Variants in CNTNAP2 observed in about 807,000 individuals in gnomAD.
The protein encoded by CNTNAP2 is contactin-associated protein-like 2.
A neutral mutation model predicts 155.2 loss-of-function variants in CNTNAP2; 98 were observed. The observed-to-expected ratio is 0.63, with a 90% CI of 0.54 to 0.75. The LOEUF (loss-of-function observed/expected upper bound fraction) is 0.75, where lower values mean the gene tolerates loss of function less well. CNTNAP2 is among the 30% of genes least tolerant of loss of function. The probability of loss-of-function intolerance (pLI) is 0.00; values close to 1 mark genes in which losing one functional copy is unlikely to be tolerated. For missense variants in CNTNAP2, 1,727 were observed against 1,688.1 expected, an observed-to-expected ratio of 1.02 and a Z score of -0.40; for synonymous variants, 651 against 631.2, an observed-to-expected ratio of 1.03 and a Z score of -0.47.
intron 3 of CNTNAP2, among the ~76,000 whole-genome samples, chr7:146,877,191 T>C (rs953218163): frequency 1.3e-5 from 2 of 152,024 alleles, no homozygotes; most frequent in African/African-American, 4.8e-5. Flanking sequence ...AAAACATAAT[T>C]TTTTCGACCA....
intron 1 of CNTNAP2, among the ~76,000 whole-genome samples, chr7:146,231,331 G>A (rs952078196): frequency 6.6e-6 from 1 of 152,150 alleles, no homozygotes; most frequent in African/African-American, 2.4e-5. Context: ...GTAAGACGCA[G>A]GAGTGAACCT....
chr7:146,636,979 G>A (rs59810108), intron 1 of CNTNAP2, among the ~76,000 whole-genome samples: 29,911 of 152,090 alleles, frequency 0.2, 3,289 homozygotes, highest in East Asian at 0.49. Flanking sequence ...TTGGACACAC[G>A]CATATAAATT....
chr7:146,802,238 C>T (rs187443035), intron 2 of CNTNAP2, among the ~76,000 whole-genome samples: 69 of 152,240 alleles, frequency 4.5e-4, no homozygotes, highest in Non-Finnish European at 8.5e-4. Flanking sequence ...TGGAAACAGT[C>T]TCCTTTTAGC....
intron 11 of CNTNAP2, among the ~76,000 whole-genome samples, chr7:147,558,529 T>C (rs1799993201): frequency 6.6e-6 from 1 of 152,154 alleles, no homozygotes; most frequent in Non-Finnish European, 1.5e-5. Flanking sequence ...GAATTTCTGT[T>C]TTAATAAGCT....
chr7:147,657,832 T>C (rs1795547858), intron 13 of CNTNAP2, among the ~76,000 whole-genome samples: 1 of 152,254 alleles, frequency 6.6e-6, no homozygotes, highest in Non-Finnish European at 1.5e-5. Context: ...CTTCTTAGCA[T>C]AGTGTAAATG....
At chr7:146,838,474 C>T (rs182729483) in intron 2 of CNTNAP2, among the ~76,000 whole-genome samples, 8 of 152,158 alleles carry the variant, frequency 5.3e-5, no homozygotes, top group Non-Finnish European at 1.0e-4. Flanking sequence ...CCTGCCACCA[C>T]GCCTGGCTAA....
Position 146,134,078 on chromosome 7 carries a change from C to T in CNTNAP2, c.97+17105C>T, listed in dbSNP as rs553936947. 2.9e-3 allele frequency among the ~76,000 whole-genome samples: 429 copies of T among 149,116 alleles called. 2 individuals carry two copies. The highest frequency in any genetic ancestry group is 9.8e-3 in the African/African-American group (402 of 40,866). On this transcript the variant is annotated intron_variant, in intron 1 of 23. Coordinates refer to ENST00000361727, the MANE Select transcript of CNTNAP2 (RefSeq NM_014141.6). ...ATGTTCTTCCATTTGTTTGTATCCT[C>T]TTTTATTTCCTTGAGCAGTGGTTTG... is the stretch of plus-strand genomic sequence containing the variant.
chr7:147,304,022 C>T lies in CNTNAP2; in HGVS notation c.1498+3732C>T, dbSNP rs185211361. Among the ~76,000 whole-genome samples, 107 of 152,272 alleles carry T rather than the reference C, an allele frequency of 7.0e-4. 2 individuals are homozygous for T. In the South Asian group the frequency reaches 0.02, roughly 28 times the overall value. ...TGTTTTGTTTCCAAACCCTTAAATACGTCCACATTTTGTTTCTTTTGAAGT... is the reference window on the plus strand; with the variant it reads ...TGTTTTGTTTCCAAACCCTTAAATATGTCCACATTTTGTTTCTTTTGAAGT... On this transcript the variant is annotated intron_variant, in intron 9 of 23. Coordinates refer to ENST00000361727, the MANE Select transcript of CNTNAP2 (RefSeq NM_014141.6).
intron 13 of CNTNAP2, among the ~76,000 whole-genome samples, chr7:147,763,437 A>G (rs1174726711): frequency 1.4e-5 from 2 of 145,198 alleles, no homozygotes; most frequent in Non-Finnish European, 3.0e-5. Flanking sequence ...TTTTTTGGAG[A>G]CGGAAGTGGC....
chr7:148,093,870 G>T (rs1220010043), intron 15 of CNTNAP2, among the ~76,000 whole-genome samples: 3 of 152,062 alleles, frequency 2.0e-5, no homozygotes, highest in East Asian at 3.9e-4. Context: ...AACCTCGCAG[G>T]CTCAACCTCC....
chr7:147,385,378 C>T (rs1020742644), intron 9 of CNTNAP2, among the ~76,000 whole-genome samples: 7 of 152,142 alleles, frequency 4.6e-5, no homozygotes, highest in East Asian at 1.9e-4. Context: ...CATAGTCCAA[C>T]GTCTCATCTG....
At chr7:147,077,896 C>T (rs1171718226) in intron 4 of CNTNAP2, among the ~76,000 whole-genome samples, 3 of 152,154 alleles carry the variant, frequency 2.0e-5, no homozygotes, top group Non-Finnish European at 4.4e-5. Context: ...ACACAGATTA[C>T]AGATAAAGAA....
chr7:146,353,632 T>C (rs1794954664), intron 1 of CNTNAP2, among the ~76,000 whole-genome samples: 1 of 152,172 alleles, frequency 6.6e-6, no homozygotes, highest in Non-Finnish European at 1.5e-5. Context: ...TCTACTAAGG[T>C]AGTTTGAAAT....
At chr7:147,493,043 A>G (rs1798637147) in intron 11 of CNTNAP2, among the ~76,000 whole-genome samples, 1 of 152,224 alleles carries the variant, frequency 6.6e-6, no homozygotes, top group African/African-American at 2.4e-5. Context: ...TCCTACTTTT[A>G]AAGAACTTAT....
At chr7:147,345,306 C>T (rs932794530) in intron 9 of CNTNAP2, among the ~76,000 whole-genome samples, 15 of 152,032 alleles carry the variant, frequency 9.9e-5, no homozygotes, top group Non-Finnish European at 1.3e-4. Flanking sequence ...AAATCTATTT[C>T]GATAAGATAG....
chr7:146,554,555 C>A (rs1178958928), intron 1 of CNTNAP2, among the ~76,000 whole-genome samples: 1 of 152,110 alleles, frequency 6.6e-6, no homozygotes, highest in African/African-American at 2.4e-5. Flanking sequence ...CTCCTCTATT[C>A]TCTCTTAGTT....
chr7:146,899,700 C>G (rs934473387), intron 3 of CNTNAP2, among the ~76,000 whole-genome samples: 1 of 152,140 alleles, frequency 6.6e-6, no homozygotes, highest in African/African-American at 2.4e-5. Context: ...AGGACAGGTC[C>G]TCAAATTTTT....
chr7:146,910,342 G>A (rs1363377476), intron 3 of CNTNAP2, among the ~76,000 whole-genome samples: 19 of 150,080 alleles, frequency 1.3e-4, no homozygotes, highest in East Asian at 9.7e-4. Flanking sequence ...AGCCCGCATC[G>A]CCAAGTCAAT....
At chr7:147,405,359 C>G (rs1022416528) in intron 10 of CNTNAP2, among the ~76,000 whole-genome samples, 1 of 152,116 alleles carries the variant, frequency 6.6e-6, no homozygotes, top group African/African-American at 2.4e-5. Flanking sequence ...TTGTCAATTA[C>G]TTGAATACAT....
Sources: allele counts gnomAD v4.1 joint callset (sites outside exome capture counted in the v4.1 genomes callset), GRCh38; gene constraint gnomAD v4.1.1; transcripts MANE v1.5; gene names NCBI Gene and HGNC (gene_info 2026-07-23, HGNC 2026-07-21).